ARNT2: variants seen among roughly 807,000 people sequenced by gnomAD.
ARNT2 encodes aryl hydrocarbon receptor nuclear translocator 2.
Under a neutral mutation model 91.7 loss-of-function variants are expected in ARNT2, and 36 were observed. The observed-to-expected ratio is 0.39, with a 90% confidence interval of 0.30 to 0.52. ARNT2 has a LOEUF of 0.52. Among genes scored for constraint, ARNT2 ranks in the 20% least tolerant of loss-of-function variants. The pLI is 0.72. For missense variants in ARNT2, 775 were observed against 939.3 expected (o/e 0.83, Z 2.29); for synonymous variants, 365 against 347.1 (o/e 1.05, Z -0.57).
chr15:80,412,508 A>G (rs72745613), intron 1 of ARNT2, among the ~76,000 whole-genome samples: 304 of 6,770 alleles, frequency 0.045, 2 homozygotes, highest in African/African-American at 0.09. Flanking sequence ...GTGTGTGTGT[A>G]TATATATATA....
chr15:80,504,645 G>A (rs1296909881), intron 5 of ARNT2, among the ~76,000 whole-genome samples: 1 of 152,152 alleles, frequency 6.6e-6, no homozygotes, highest in African/African-American at 2.4e-5. Context: ...GCACACGTCT[G>A]TAGTCCCAGC....
chr15:80,444,010 G>A (rs186739271), intron 1 of ARNT2, among the ~76,000 whole-genome samples: 4 of 152,310 alleles, frequency 2.6e-5, no homozygotes, highest in East Asian at 3.9e-4. Context: ...TATAGAATGT[G>A]TTCATGTTTC....
chr15:80,404,984 G>A lies in ARNT2; in HGVS notation c.31+438G>A, dbSNP rs138973686. 7.5e-3 allele frequency among the ~76,000 whole-genome samples: 1,139 copies of A among 152,216 alleles called. 10 individuals carry two copies. The highest frequency in any genetic ancestry group is 0.026 in the African/African-American group (1,063 of 41,526). On this transcript the variant is annotated intron_variant, in intron 1 of 18. Coordinates refer to ENST00000303329, the MANE Select transcript of ARNT2 (RefSeq NM_014862.4). This position sits in a 1 kb window ranked among gnomAD's most constrained non-coding sequence, Gnocchi z 5.5. ...AAAGTTTGGAGCTGGGATTCAACAG[G>A]GTACAACTCCCGGGACTCTCCCCTG...
chr15:80,585,639 A>G (rs1262475216), intron 17 of ARNT2, among the ~76,000 whole-genome samples: 1 of 152,190 alleles, frequency 6.6e-6, no homozygotes, highest in Non-Finnish European at 1.5e-5. Context: ...CAGCCTGCCC[A>G]CTGACTGAGA....
At chr15:80,491,908 C>G (rs1300064750) in intron 5 of ARNT2, among the ~76,000 whole-genome samples, 1 of 148,592 alleles carries the variant, frequency 6.7e-6, no homozygotes, top group Non-Finnish European at 1.5e-5. Context: ...TTGGCTGAAT[C>G]ACAGTACCTT....
intron 5 of ARNT2, among the ~76,000 whole-genome samples, chr15:80,480,628 T>C (rs1896871381): frequency 6.6e-6 from 1 of 152,180 alleles, no homozygotes; most frequent in Admixed American, 6.5e-5. Flanking sequence ...GCTGGACTCT[T>C]CCTGCATTCA....
At chr15:80,579,107 A>G (rs1898742339) in intron 15 of ARNT2, among the ~76,000 whole-genome samples, 2 of 152,208 alleles carry the variant, frequency 1.3e-5, no homozygotes, top group Admixed American at 6.5e-5. Context: ...GCTTTGCCCC[A>G]AGAAGCCCAT....
chr15:80,437,062 CCTT>C (rs935186512), intron 1 of ARNT2, among the ~76,000 whole-genome samples: 8 of 152,208 alleles, frequency 5.3e-5, no homozygotes, highest in African/African-American at 1.4e-4. Flanking sequence ...GTTTGCTGGT[CCTT>C]CTTCTCCCTT....
At position 80,593,715 on chromosome 15, in the gene ARNT2, G is replaced by A. The variant is rs560560009; in HGVS notation, c.*17G>A. The stretch of plus-strand genomic sequence containing the variant: ...TCTGAGTAGCTGCGGCCAGAGTGAG[G>A]CTCCTGCTGTACAGTGCCACCCATA... On this transcript the variant is annotated 3_prime_UTR_variant, in exon 19 of 19. Coordinates refer to ENST00000303329, the MANE Select transcript of ARNT2 (RefSeq NM_014862.4). The A allele has an allele frequency of 2.1e-4, 336 of 1,586,092 alleles. 1 individual carries two copies. In the Middle Eastern group the frequency reaches 2.3e-3, roughly 11 times the overall value.
intron 15 of ARNT2, among the ~76,000 whole-genome samples, chr15:80,579,092 C>T (rs1264012666): frequency 6.6e-6 from 1 of 152,354 alleles, no homozygotes; most frequent in East Asian, 1.9e-4. Context: ...TGCACAAGGG[C>T]TGGCGCTTTG....
intron 2 of ARNT2, among the ~76,000 whole-genome samples, chr15:80,457,394 C>A (rs1896495924): frequency 6.6e-6 from 1 of 152,160 alleles, no homozygotes; most frequent in Admixed American, 6.5e-5. Flanking sequence ...TCATCAAGAC[C>A]AGCCACATTT....
intron 3 of ARNT2, among the ~76,000 whole-genome samples, chr15:80,468,620 G>A (rs572219878): frequency 2.6e-5 from 4 of 151,122 alleles, no homozygotes; most frequent in African/African-American, 7.4e-5. Context: ...AGCACCCTCA[G>A]CCCCAGGACC....
chr15:80,433,117 C>T (rs1185308909), intron 1 of ARNT2, among the ~76,000 whole-genome samples: 2 of 151,900 alleles, frequency 1.3e-5, no homozygotes, highest in Non-Finnish European at 2.9e-5. Context: ...TTCATAAAAC[C>T]TCTTAAAGGG....
At chr15:80,450,712 A>G (rs1896375632) in intron 1 of ARNT2, among the ~76,000 whole-genome samples, 168 bp from the exon 2 acceptor site, 2 of 152,248 alleles carry the variant, frequency 1.3e-5, no homozygotes, top group Non-Finnish European at 2.9e-5. Context: ...CCAGAGAAAG[A>G]GGAAAGACTT....
intron 8 of ARNT2, among the ~76,000 whole-genome samples, chr15:80,524,120 A>T (rs1897596179): frequency 6.6e-6 from 1 of 152,218 alleles, no homozygotes; most frequent in South Asian, 2.1e-4. Flanking sequence ...ACAGGGTGCT[A>T]AAAAATGTGT....
Position 80,563,249 on chromosome 15 carries a change from C to T in ARNT2, c.1316+10C>T. On this transcript the variant is annotated intron_variant, in intron 12 of 18. Coordinates refer to ENST00000303329, the MANE Select transcript of ARNT2 (RefSeq NM_014862.4). ...CCAACACCAACGTCAAGTACGTACA[C>T]TGCCATTTCCCTCTCCTGGAATCCA... is the stretch of plus-strand genomic sequence containing the variant. 1.2e-6 allele frequency: 2 copies of T among 1,614,030 alleles called. No homozygotes were observed. The highest frequency in any genetic ancestry group is 2.2e-5 in the South Asian group (2 of 91,070).
In ARNT2 at chr15:80,563,230, C is replaced by A. The variant is rs932261118; in HGVS notation, c.1307C>A (p.Thr436Asn). ...DEIEYIICTN[T>N]NVKQLQQQQA... ...ATTGAGTACATCATCTGCACCAACA[C>A]CAACGTCAAGTACGTACACTGCCAT... Residue 436 changes from threonine (T) to asparagine (N), a missense_variant, in exon 12 of 19, where the codon ACC becomes AAC. By Grantham distance (65) the Thr-to-Asn change is moderately conservative. Transcript: ENST00000303329. 1 of 1,614,200 alleles carries A rather than the reference C, an allele frequency of 6.2e-7. No individual in the cohort carries two copies. The highest frequency in any genetic ancestry group is 8.5e-7 in the Non-Finnish European group (1 of 1,180,038).
chr15:80,558,333 CTTTTTTT>C (rs56720700), intron 11 of ARNT2, among the ~76,000 whole-genome samples: 1 of 103,368 alleles, frequency 9.7e-6, no homozygotes, highest in Non-Finnish European at 1.9e-5. Context: ...TACGTCTGTG[CTTTTTTT>C]TTTTTTTTTT....
At chr15:80,507,760 C>T (rs1465262445) in intron 5 of ARNT2, among the ~76,000 whole-genome samples, 2 of 152,148 alleles carry the variant, frequency 1.3e-5, no homozygotes, top group Non-Finnish European at 1.5e-5. Context: ...GAGCAGTGCG[C>T]GGTCGCATAA....
Sources: allele counts gnomAD v4.1 joint callset (sites outside exome capture counted in the v4.1 genomes callset), GRCh38; gene constraint gnomAD v4.1.1; non-coding constraint Gnocchi (gnomAD v3.1); transcripts MANE v1.5; gene names NCBI Gene and HGNC (gene_info 2026-07-23, HGNC 2026-07-21).